CLUL1: variants seen among roughly 807,000 people sequenced by gnomAD.
CLUL1 encodes clusterin like 1, also known as clusterin-like protein 1.
Under a neutral mutation model 49.4 loss-of-function variants are expected in CLUL1, and 43 were observed. The observed-to-expected ratio is 0.87, with a 90% CI of 0.68 to 1.12. The LOEUF is 1.12. Ranked by LOEUF, CLUL1 falls within the 50% of genes most tolerant of loss-of-function variation. The pLI, the probability that CLUL1 is intolerant of heterozygous loss-of-function variation, is 0.00. For missense variants in CLUL1, 486 were observed against 544.4 expected, an observed-to-expected ratio of 0.89 and a Z score of 1.07; for synonymous variants, 192 against 184.9, an observed-to-expected ratio of 1.04 and a Z score of -0.31.
intron 9 of CLUL1, among the ~76,000 whole-genome samples, chr18:645,754 A>G (rs1281780550): frequency 6.9e-5 from 9 of 129,780 alleles, no homozygotes; most frequent in Non-Finnish European, 9.5e-5. Flanking sequence ...AGATCGCGCC[A>G]CTGCACTCCA....
At position 618,239 on chromosome 18, in the gene CLUL1, C is replaced by T; in HGVS notation, c.106+133C>T. On this transcript the variant is annotated intron_variant, in intron 3 of 9. Transcript: ENST00000692774. This position sits in a 1 kb window ranked among gnomAD's most constrained non-coding sequence, Gnocchi z 4.2. ...GTGAAACGTTCTCAAGGCGCTTAAA[C>T]CAGGTCATCCTGACGCCAAACATCT... is the stretch of plus-strand genomic sequence containing the variant. 1.5e-6 allele frequency: 1 copy of T among 645,616 alleles called. No individual in the cohort carries two copies. Among genetic ancestry groups the T allele is most frequent in the Non-Finnish European group, 2.7e-6 (1 of 374,102 alleles). 40.0% of individuals were successfully genotyped at this position (645,616 alleles called of 1,614,324 possible).
intron 8 of CLUL1, 108 bp from the exon 9 acceptor site, chr18:644,802 C>G (rs1598448937): frequency 1.4e-6 from 1 of 726,610 alleles, no homozygotes; most frequent in East Asian, 2.9e-5. Flanking sequence ...CAGGACTAAT[C>G]TGTTACCTCA....
At chr18:628,910 A>G (rs1489481472) in intron 6 of CLUL1, among the ~76,000 whole-genome samples, 2 of 151,988 alleles carry the variant, frequency 1.3e-5, no homozygotes, top group Admixed American at 6.6e-5. Context: ...TGGAATTACA[A>G]GCATGAGCCA....
intron 7 of CLUL1, among the ~76,000 whole-genome samples, chr18:634,114 T>C (rs113840593): frequency 0.021 from 3,236 of 152,010 alleles, 100 homozygotes; most frequent in African/African-American, 0.072. Flanking sequence ...GGGCGTTCAA[T>C]GTAGGTTTAT....
intron 2 of CLUL1, among the ~76,000 whole-genome samples, chr18:610,355 C>T (rs1388373365): frequency 6.6e-6 from 1 of 152,000 alleles, no homozygotes; most frequent in Non-Finnish European, 1.5e-5. Context: ...TGGCGGTCTG[C>T]TTGGGTTGGC....
At chr18:613,537 C>T (rs1193628015) in intron 2 of CLUL1, among the ~76,000 whole-genome samples, 1 of 151,746 alleles carries the variant, frequency 6.6e-6, no homozygotes, top group Non-Finnish European at 1.5e-5. Context: ...TCACAGAAAC[C>T]TCCGCCTCCT....
chr18:622,921 T>C (rs1259763710), intron 4 of CLUL1, among the ~76,000 whole-genome samples: 2 of 152,150 alleles, frequency 1.3e-5, no homozygotes, highest in East Asian at 3.8e-4. Context: ...GCCACTGTAG[T>C]TTGGAATTGG....
intron 2 of CLUL1, chr18:614,942 C>T (rs2073247487): frequency 6.6e-6 from 1 of 152,236 alleles, no homozygotes; most frequent in African/African-American, 2.4e-5. Context: ...TTAGCAAGAC[C>T]TTTATGGCCA....
intron 7 of CLUL1, among the ~76,000 whole-genome samples, chr18:639,121 T>G (rs1410045060): frequency 6.6e-6 from 1 of 150,640 alleles, no homozygotes; most frequent in Admixed American, 6.6e-5. Context: ...GTAGAATTTT[T>G]AAACTTAAAA....
At chr18:633,608 G>A (rs1444989312) in intron 7 of CLUL1, among the ~76,000 whole-genome samples, 173 bp downstream of exon 7, 3 of 152,214 alleles carry the variant, frequency 2.0e-5, no homozygotes, top group Non-Finnish European at 2.9e-5. Flanking sequence ...GAGCAATGGT[G>A]AGCGTGCACT....
rs1567953689 is a variant in CLUL1, at chr18:603,770, G to A, written c.-135-3208G>A. The stretch of plus-strand genomic sequence containing the variant: ...GATTTTCTGGTGTTACCTCCTTATA[G>A]CCACACGCATTCCTCCATCATTAAC... On this transcript the variant is annotated intron_variant, in intron 1 of 9. Transcript: ENST00000692774. Among the ~76,000 whole-genome samples the A allele has an allele frequency of 2.0e-5, 3 of 152,212 alleles. No homozygotes were observed. In the South Asian group the frequency reaches 6.2e-4, roughly 32 times the overall value.
intron 8 of CLUL1, among the ~76,000 whole-genome samples, chr18:642,867 A>G (rs1173537590): frequency 6.6e-6 from 1 of 152,226 alleles, no homozygotes; most frequent in East Asian, 1.9e-4. Context: ...GCTAACAGTC[A>G]TCTGAAGCCA....
chr18:606,862 C>A lies in CLUL1; in HGVS notation c.-135-116C>A. Reference sequence around the variant, plus strand: ...TGCCTTCCCCCACCAGCACCCCCCACAAGGCAAGGCCAGTTCACCCTCAGT... The same window carrying A: ...TGCCTTCCCCCACCAGCACCCCCCAAAAGGCAAGGCCAGTTCACCCTCAGT... On this transcript the variant is annotated intron_variant, in intron 1 of 9. Coordinates refer to ENST00000692774, the MANE Select transcript of CLUL1 (RefSeq NM_001393344.1). The surrounding 1 kb of genome is among the most constrained non-coding windows in gnomAD (Gnocchi z 4.1). The A allele has an allele frequency of 2.0e-6, 1 of 507,684 alleles. No homozygotes were observed. The highest frequency in any genetic ancestry group is 3.5e-6 in the Non-Finnish European group (1 of 286,210). The allele number at this position is 507,684 out of a possible 1,614,324, so 31.4% of individuals were successfully genotyped here.
At chr18:640,146 T>C (rs1251381889) in intron 7 of CLUL1, among the ~76,000 whole-genome samples, 1 of 152,164 alleles carries the variant, frequency 6.6e-6, no homozygotes, top group Non-Finnish European at 1.5e-5. Flanking sequence ...ATCTCTTCCC[T>C]AGACCTTGAA....
chr18:641,414 T>G lies in CLUL1; in HGVS notation c.1082T>G (p.Leu361Arg). Reference sequence around the variant, plus strand: ...TCCAATCAGCAGTATGGCCAGATTCTCCAGATGACCCGGAAGCACTTGGAG... The same window carrying G: ...TCCAATCAGCAGTATGGCCAGATTCGCCAGATGACCCGGAAGCACTTGGAG... ...NVSNQQYGQILQMTRKHLEDT... is the reference protein window; with the variant it reads ...NVSNQQYGQIRQMTRKHLEDT... Residue 361 changes from leucine to arginine, a missense_variant, in exon 8 of 10, where the codon CTC becomes CGC. Transcript: ENST00000692774. 2 of 1,614,190 alleles carry G rather than the reference T, an allele frequency of 1.2e-6. No individual in the cohort carries two copies. Among genetic ancestry groups the G allele is most frequent in the East Asian group, 2.2e-5 (1 of 44,886 alleles).
At chr18:610,704 A>G (rs1371843257) in intron 2 of CLUL1, among the ~76,000 whole-genome samples, 3 of 152,234 alleles carry the variant, frequency 2.0e-5, no homozygotes, top group East Asian at 3.9e-4. Flanking sequence ...AGAGCCTGAC[A>G]CATAGTACGT....
intron 2 of CLUL1, among the ~76,000 whole-genome samples, chr18:611,066 C>T (rs539512427): frequency 7.9e-5 from 12 of 152,088 alleles, no homozygotes; most frequent in Admixed American, 4.6e-4. Context: ...TTCCCATGCT[C>T]CTTGCTCCCT....
At chr18:624,771 A>G (rs964344722) in intron 4 of CLUL1, 94 bp from the exon 5 acceptor site, 28 of 1,186,822 alleles carry the variant, frequency 2.4e-5, no homozygotes, top group Non-Finnish European at 3.3e-5. Flanking sequence ...ATGAAAAAGC[A>G]GTTTAGAATG....
At chr18:607,408 C>T (rs111625543) in intron 2 of CLUL1, among the ~76,000 whole-genome samples, 47 of 151,790 alleles carry the variant, frequency 3.1e-4, no homozygotes, top group African/African-American at 1.1e-3. Context: ...GGATTACAGG[C>T]GTGAGCCACT....
Sources: gnomAD v4.1 joint callset for allele counts (sites outside exome capture counted in the v4.1 genomes callset) on GRCh38, gnomAD v4.1.1 for gene constraint, Gnocchi (gnomAD v3.1) non-coding constraint, MANE v1.5 for transcripts, NCBI Gene and HGNC (gene_info 2026-07-23, HGNC 2026-07-21) for gene names.